Variants in CACNA1H observed in about 807,000 individuals in gnomAD.
CACNA1H encodes the protein calcium voltage-gated channel subunit alpha1 H.
Under a neutral mutation model 192.5 loss-of-function variants are expected in CACNA1H, and 149 were observed. That is an observed-to-expected ratio of 0.77 (90% CI 0.68 to 0.89). CACNA1H has a LOEUF of 0.89. Ranked by LOEUF, CACNA1H falls within the 40% of genes least tolerant of loss-of-function variation. The pLI, the probability that CACNA1H is intolerant of heterozygous loss-of-function variation, is 0.00. For synonymous variants in CACNA1H, 2,202 were observed against 1,475.2 expected (o/e 1.49, Z -11.29); for missense variants, 4,257 against 3,423.5 (o/e 1.24, Z -6.08).
chr16:1,201,224 A>G (rs1032244231), intron 8 of CACNA1H, among the ~76,000 whole-genome samples: 4 of 152,154 alleles, frequency 2.6e-5, no homozygotes, highest in Non-Finnish European at 5.9e-5. Context: ...GCGGGGACCT[A>G]GTAGGTAACA....
intron 2 of CACNA1H, among the ~76,000 whole-genome samples, chr16:1,166,843 C>A (rs570138121): frequency 6.6e-6 from 1 of 152,318 alleles, no homozygotes; most frequent in Admixed American, 6.5e-5. Context: ...ATGTCTGGGC[C>A]GTTTCACCCT....
intron 2 of CACNA1H, among the ~76,000 whole-genome samples, chr16:1,162,641 G>T (rs1401079780): frequency 4.1e-5 from 5 of 122,712 alleles, no homozygotes; most frequent in Admixed American, 1.6e-4. Flanking sequence ...ACCTGGAGTG[G>T]GGGGGGGGGG....
intron 2 of CACNA1H, among the ~76,000 whole-genome samples, chr16:1,168,578 G>A (rs1486344962): frequency 6.6e-6 from 1 of 152,034 alleles, no homozygotes; most frequent in Non-Finnish European, 1.5e-5. Context: ...AGGTGGGGTC[G>A]TGGTGGGGAG....
chr16:1,185,787 G>A (rs1485134099), intron 2 of CACNA1H, among the ~76,000 whole-genome samples: 3 of 35,832 alleles, frequency 8.4e-5, no homozygotes, highest in Admixed American at 3.9e-4. Context: ...GAGGCGGGGT[G>A]TGTATGGGGC....
intron 5 of CACNA1H, among the ~76,000 whole-genome samples, chr16:1,197,853 C>A (rs1023811077): frequency 6.6e-6 from 1 of 152,172 alleles, no homozygotes; most frequent in African/African-American, 2.4e-5. Flanking sequence ...GAAAGGACGT[C>A]TTGGGGGAGC....
chr16:1,201,645 C>A lies in CACNA1H; in HGVS notation c.1213-18C>A, dbSNP rs57432507. On this transcript the variant is annotated intron_variant, in intron 8 of 34. Coordinates refer to ENST00000348261, the MANE Select transcript of CACNA1H (RefSeq NM_021098.3). ...ACTCGCTCACTCACTGCCACTTACC[C>A]GCCCGCCCCCGTCACAGGTGGGCTC... is the stretch of plus-strand genomic sequence containing the variant. 5 of 1,555,598 alleles carry A rather than the reference C, an allele frequency of 3.2e-6. No homozygotes were observed. The highest frequency in any genetic ancestry group is 4.3e-6 in the Non-Finnish European group (5 of 1,149,480).
intron 2 of CACNA1H, among the ~76,000 whole-genome samples, chr16:1,155,533 C>T (rs1490420404): frequency 6.6e-6 from 1 of 152,120 alleles, no homozygotes; most frequent in African/African-American, 2.4e-5. Flanking sequence ...GGAGGCTGGC[C>T]CCGAGCCAAG....
In CACNA1H at chr16:1,206,612, G is replaced by A. The variant is rs1397765914; in HGVS notation, c.2789+323G>A. ...AACTGGGGTGTTCTGAGCGCCTGCT[G>A]TGTGCCCGTCTAGCCTGGAGCTCAG... On this transcript the variant is annotated intron_variant, in intron 12 of 34. Transcript: ENST00000348261. The A allele has an allele frequency of 9.0e-6, 4 of 446,576 alleles. No individual in the cohort carries two copies. The East Asian group carries it at 1.7e-4, about 19-fold the overall frequency. 27.7% of individuals were successfully genotyped at this position (446,576 alleles called of 1,614,324 possible).
chr16:1,215,182 C>G lies in CACNA1H; in HGVS notation c.5040-60C>G, dbSNP rs1969907616. 2.5e-6 allele frequency: 4 copies of G among 1,580,948 alleles called. No individual in the cohort carries two copies. In the Admixed American group the frequency reaches 7.3e-5, roughly 29 times the overall value. Reference sequence around the variant, plus strand: ...GCTTTCCCACGGAGGTCTGCAGAAGCAACGCTGCTGAGCCGAGGCGGGGAC... The same window carrying G: ...GCTTTCCCACGGAGGTCTGCAGAAGGAACGCTGCTGAGCCGAGGCGGGGAC... On this transcript the variant is annotated intron_variant, in intron 28 of 34. Coordinates refer to ENST00000348261, the MANE Select transcript of CACNA1H (RefSeq NM_021098.3).
At chr16:1,165,049 G>A (rs1362721879) in intron 2 of CACNA1H, among the ~76,000 whole-genome samples, 1 of 152,182 alleles carries the variant, frequency 6.6e-6, no homozygotes, top group African/African-American at 2.4e-5. Flanking sequence ...TGCAGGGGTG[G>A]GAACAGTGGC....
intron 2 of CACNA1H, among the ~76,000 whole-genome samples, chr16:1,184,037 C>A (rs4984767): frequency 1.1e-3 from 168 of 152,258 alleles, no homozygotes; most frequent in South Asian, 2.1e-3. Context: ...CAAGGCCAGC[C>A]GGGCTGTGCC....
chr16:1,183,948 A>G (rs1965729218), intron 2 of CACNA1H, among the ~76,000 whole-genome samples: 1 of 152,224 alleles, frequency 6.6e-6, no homozygotes, highest in Non-Finnish European at 1.5e-5. Context: ...AGCCGTGTCC[A>G]TGCCGCCTGG....
In CACNA1H at chr16:1,195,502, T is replaced by C; in HGVS notation, c.482T>C (p.Phe161Ser). 1 of 1,600,512 alleles carries C rather than the reference T, an allele frequency of 6.2e-7. No individual in the cohort carries two copies. Among genetic ancestry groups the C allele is most frequent in the Non-Finnish European group, 8.5e-7 (1 of 1,173,690 alleles). Residue 161 changes from phenylalanine (F) to serine (S), a missense_variant, in exon 4 of 35, where the codon TTC becomes TCC. Transcript: ENST00000348261. ...ATCAAGATGGTGGCCTTGGGGCTGT[T>C]CGGGCAGAAGTGTTACCTGGGTGAC... ...MVIKMVALGL[F>S]GQKCYLGDTW...
intron 2 of CACNA1H, among the ~76,000 whole-genome samples, chr16:1,172,881 G>A (rs1459093282): frequency 6.6e-6 from 1 of 152,092 alleles, no homozygotes; most frequent in Non-Finnish European, 1.5e-5. Context: ...ATCAGGGCCA[G>A]GACAGCCCCG....
chr16:1,182,494 C>T (rs887793440), intron 2 of CACNA1H, among the ~76,000 whole-genome samples: 4 of 152,144 alleles, frequency 2.6e-5, no homozygotes, highest in African/African-American at 7.2e-5. Context: ...CTGTGACCCG[C>T]GGCGCCGGCT....
intron 1 of CACNA1H, 87 bp downstream of exon 1, chr16:1,153,557 G>A: frequency 2.9e-6 from 1 of 344,226 alleles, no homozygotes; most frequent in Non-Finnish European, 4.9e-6. Flanking sequence ...GGGTGGGGCC[G>A]CTGGAGGGAG....
At position 1,173,174 on chromosome 16, in the gene CACNA1H, G is replaced by T. The variant is rs80279803; in HGVS notation, c.299+19138G>T. ...TTAAGCAGCTGACGGGCGCGAGGTG[G>T]AGGTGTCCAAAAGGCCGAGGCTGGA... On this transcript the variant is annotated intron_variant, in intron 2 of 34. Transcript: ENST00000348261. 4.9e-3 allele frequency among the ~76,000 whole-genome samples: 740 copies of T among 152,302 alleles called. 3 individuals are homozygous for T. The highest frequency in any genetic ancestry group is 0.017 in the African/African-American group (694 of 41,562).
intron 12 of CACNA1H, 71 bp from the exon 13 acceptor site, chr16:1,206,930 C>T (rs553674003): frequency 3.2e-4 from 71 of 219,524 alleles, no homozygotes; most frequent in Non-Finnish European, 4.9e-4. Context: ...ACCCCCCTCC[C>T]GCTCCCCCAC....
Position 1,220,662 on chromosome 16 carries a change from C to T in CACNA1H, c.6730C>T (p.Pro2244Ser), listed in dbSNP as rs1970413236. The T allele has an allele frequency of 6.2e-7, 1 of 1,606,724 alleles. No homozygotes were observed. Reference protein sequence around the residue: ...PTEGSGAGGDPAAKGERWGQA... With the variant: ...PTEGSGAGGDSAAKGERWGQA... The stretch of plus-strand genomic sequence containing the variant: ...AGAGGGCTCAGGCGCCGGGGGGGAC[C>T]CTGCAGCCAAGGGGGAGCGCTGGGG... Residue 2244 changes from proline (P) to serine (S), a missense_variant, in exon 35 of 35, where the codon CCT becomes TCT. Coordinates refer to ENST00000348261, the MANE Select transcript of CACNA1H (RefSeq NM_021098.3).
Sources: allele counts gnomAD v4.1 joint callset (sites outside exome capture counted in the v4.1 genomes callset), GRCh38; gene constraint gnomAD v4.1.1; transcripts MANE v1.5; gene names NCBI Gene and HGNC (gene_info 2026-07-23, HGNC 2026-07-21).